AADAC: variants seen among roughly 807,000 people sequenced by gnomAD.
AADAC encodes arylacetamide deacetylase (esterase).
In AADAC, 17 loss-of-function variants were observed where a neutral mutation model predicts 22.7. The ratio of observed to expected loss-of-function variants is 0.75; its 90% confidence interval spans 0.51 to 1.12. The LOEUF (loss-of-function observed/expected upper bound fraction) is 1.12, where lower values mean the gene tolerates loss of function less well. AADAC is among the 50% of genes most tolerant of loss of function. The pLI, the probability that AADAC is intolerant of heterozygous loss-of-function variation, is 0.00. For missense variants in AADAC, 465 were observed against 473.9 expected (o/e 0.98, Z 0.17); for synonymous variants, 167 against 176.3 (o/e 0.95, Z 0.42).
rs1716565555 is a variant in AADAC at position 151,827,834 on chromosome 3, C to T, written c.862C>T (p.Pro288Ser). The change falls in exon 5 of 5, where the codon CCT becomes TCT. Residue 288 changes from proline to serine, a missense_variant. Pro to Ser is a moderately conservative substitution (Grantham distance 74, BLOSUM62 -1). Coordinates refer to ENST00000232892, the MANE Select transcript of AADAC (RefSeq NM_001086.3). The stretch of plus-strand genomic sequence containing the variant: ...ATTTGTTAATTGGAGTTCCCTGCTC[C>T]CTGAGAGGTTTATAAAAGGACATGT... The part of the protein sequence containing the change: ...FKFVNWSSLL[P>S]ERFIKGHVYN... 6.2e-7 allele frequency: 1 copy of T among 1,613,080 alleles called. No homozygotes were observed. The highest frequency in any genetic ancestry group is 1.3e-5 in the African/African-American group (1 of 74,844).
rs777466800 is a variant in AADAC at position 151,824,741 on chromosome 3, A to G, written c.510A>G (p.Lys170=). The G allele has an allele frequency of 5.6e-6, 9 of 1,609,404 alleles. No individual in the cohort carries two copies. In the African/African-American group the frequency reaches 6.7e-5, roughly 12 times the overall value. The change falls in exon 4 of 5, where the codon AAA becomes AAG. Residue 170 remains lysine, a synonymous_variant. Coordinates refer to ENST00000232892, the MANE Select transcript of AADAC (RefSeq NM_001086.3). The part of the protein sequence containing the change: ...VYNALRWFLR[K]KVLAKYGVNP... Reference sequence around the variant, plus strand: ...ATGCCTTAAGGTGGTTCTTACGTAAAAAAGTTCTTGCAAAATATGGTGTGA... The same window carrying G: ...ATGCCTTAAGGTGGTTCTTACGTAAGAAAGTTCTTGCAAAATATGGTGTGA...
rs1716198360 is a variant in AADAC at position 151,820,510 on chromosome 3, A to AGCTT, written c.431+59_431+62dup. On this transcript the variant is annotated intron_variant, in intron 3 of 4. Transcript: ENST00000232892. Reference sequence around the variant, plus strand: ...ATGTCTGACATGCCAAGATTTTCTCAGCTTTCTTTTTTTTTTTTTTTTTTT... The same window carrying AGCTT: ...ATGTCTGACATGCCAAGATTTTCTCAGCTTGCTTTCTTTTTTTTTTTTTTTTTTT... The AGCTT allele has an allele frequency of 8.5e-6, 6 of 705,480 alleles. No homozygotes were observed. In the Admixed American group the frequency reaches 1.8e-4, roughly 21 times the overall value. The allele number at this position is 705,480 out of a possible 1,614,324, so 43.7% of individuals were successfully genotyped here. A position where few individuals can be genotyped will look rare whatever the true frequency, so the allele number is the denominator to read the frequency against.
In AADAC at chr3:151,824,770, C is replaced by T. The variant is rs1716404861; in HGVS notation, c.539C>T (p.Pro180Leu). The T allele has an allele frequency of 6.2e-7, 1 of 1,607,350 alleles. No homozygotes were observed. The highest frequency in any genetic ancestry group is 1.1e-5 in the South Asian group (1 of 89,694). Reference protein sequence around the residue: ...KKVLAKYGVNPERIGISGDSA... With the variant: ...KKVLAKYGVNLERIGISGDSA... ...GTTCTTGCAAAATATGGTGTGAACC[C>T]TGAGAGAATCGGTATTTCTGGAGAT... The change falls in exon 4 of 5, where the codon CCT becomes CTT. Residue 180 changes from proline (P) to leucine (L), a missense_variant. Coordinates refer to ENST00000232892, the MANE Select transcript of AADAC (RefSeq NM_001086.3).
At chr3:151,820,535 T>G (rs1576642679) in intron 3 of AADAC, 83 bp downstream of exon 3, 2 of 938,394 alleles carry the variant, frequency 2.1e-6, no homozygotes, top group East Asian at 6.1e-5. Flanking sequence ...TTTTTTTTTT[T>G]GTGATGGAGT....
At position 151,824,647 on chromosome 3, in the gene AADAC, T is replaced by C. The variant is rs1576645160; in HGVS notation, c.432-16T>C. The C allele has an allele frequency of 1.3e-6, 2 of 1,491,538 alleles. No homozygotes were observed. The highest frequency in any genetic ancestry group is 2.4e-5 in the East Asian group (1 of 40,890). 92.4% of individuals were successfully genotyped at this position (1,491,538 alleles called of 1,614,324 possible). A position where few individuals can be genotyped will look rare whatever the true frequency, so the allele number is the denominator to read the frequency against. ...AACAAACAAAAAAATGTGTAAACTA[T>C]GTTTTCTCTCTACAGCTACAGATTA... is the stretch of plus-strand genomic sequence containing the variant. On this transcript the variant is annotated splice_polypyrimidine_tract_variant and intron_variant, in intron 3 of 4. Transcript: ENST00000232892.
Position 151,820,420 on chromosome 3 carries a change from A to C in AADAC, c.399A>C (p.Ala133=). Residue 133 remains alanine (A), a synonymous_variant, in exon 3 of 5, where the codon GCA becomes GCC. Transcript: ENST00000232892. ...SGYDLLSRWT[A]DRLDAVVVST... ...ATGACTTGCTGTCAAGATGGACAGC[A>C]GACAGACTTGATGCTGTCGTCGTAT... 2 of 1,590,714 alleles carry C rather than the reference A, an allele frequency of 1.3e-6. No individual in the cohort carries two copies. Among genetic ancestry groups the C allele is most frequent in the Non-Finnish European group, 1.7e-6 (2 of 1,166,906 alleles).
At chr3:151,822,522 T>C (rs932904935) in intron 3 of AADAC, among the ~76,000 whole-genome samples, 2 of 152,100 alleles carry the variant, frequency 1.3e-5, no homozygotes, top group Non-Finnish European at 2.9e-5. Context: ...TGTGTAAATA[T>C]ACCACATTTT....
At position 151,816,234 on chromosome 3, in the gene AADAC, C is replaced by A. The variant is rs148083666; in HGVS notation, c.139-1132C>A. Among the ~76,000 whole-genome samples the A allele has an allele frequency of 6.4e-3, 970 of 152,138 alleles. 10 individuals carry two copies. Among genetic ancestry groups the A allele is most frequent in the African/African-American group, 0.022 (928 of 41,554 alleles). On this transcript the variant is annotated intron_variant, in intron 1 of 4. Transcript: ENST00000232892. ...CCTGACTCCCAGCTCCCATGTGCAACCAGCTCCATAGCCACACCTCACTGC... is the reference window on the plus strand; with the variant it reads ...CCTGACTCCCAGCTCCCATGTGCAAACAGCTCCATAGCCACACCTCACTGC...
chr3:151,816,000 C>T (rs550354437), intron 1 of AADAC, among the ~76,000 whole-genome samples: 30 of 152,042 alleles, frequency 2.0e-4, no homozygotes, highest in Non-Finnish European at 2.9e-4. Flanking sequence ...TAGGCATGGA[C>T]GACATATTTA....
At position 151,817,237 on chromosome 3, in the gene AADAC, A is replaced by G. The variant is rs570367227; in HGVS notation, c.139-129A>G. 9.7e-4 allele frequency: 740 copies of G among 760,332 alleles called. 5 individuals are homozygous for G. Among genetic ancestry groups the G allele is most frequent in the South Asian group, 2.5e-3 (134 of 53,342 alleles). The allele number at this position is 760,332 out of a possible 1,614,324, so 47.1% of individuals were successfully genotyped here. On this transcript the variant is annotated intron_variant, in intron 1 of 4. Coordinates refer to ENST00000232892, the MANE Select transcript of AADAC (RefSeq NM_001086.3). ...CTGGTTTCTTTTAAAAGGACCAAGC[A>G]GGATTCATGCATGAAAATTTAGTTC...
rs529202829 is a variant in AADAC at position 151,828,338 on chromosome 3, C to A, written c.*166C>A. 1.7e-4 allele frequency: 70 copies of A among 407,952 alleles called. 2 individuals carry two copies. Among genetic ancestry groups the A allele is most frequent in the East Asian group, 1.5e-3 (40 of 27,140 alleles). 25.3% of individuals were successfully genotyped at this position (407,952 alleles called of 1,614,324 possible). A position where few individuals can be genotyped will look rare whatever the true frequency, so the allele number is the denominator to read the frequency against. ...TTTTTCTTACTGTGGGATTTCATTT[C>A]AATTTTCTACATTGTCTATCTGCTT... is the stretch of plus-strand genomic sequence containing the variant. On this transcript the variant is annotated 3_prime_UTR_variant, in exon 5 of 5. Transcript: ENST00000232892.
intron 4 of AADAC, among the ~76,000 whole-genome samples, chr3:151,826,582 C>A (rs1242784069): frequency 6.6e-6 from 1 of 151,854 alleles, no homozygotes; most frequent in Non-Finnish European, 1.5e-5. Context: ...TTCTATACAT[C>A]TTTTATAGTA....
At chr3:151,817,259 G>A in intron 1 of AADAC, 107 bp from the exon 2 acceptor site, 1 of 929,414 alleles carries the variant, frequency 1.1e-6, no homozygotes, top group Non-Finnish European at 1.6e-6. Context: ...TGAAAATTTA[G>A]TTCATTCCAT....
intron 1 of AADAC, among the ~76,000 whole-genome samples, chr3:151,816,020 G>T (rs1347529789): frequency 6.6e-6 from 1 of 151,804 alleles, no homozygotes; most frequent in Admixed American, 6.6e-5. Context: ...AACCTTCCTG[G>T]GCTCACTTTC....
rs1427207979 is a variant in AADAC, at chr3:151,823,390, T to C, written c.432-1273T>C. Reference sequence around the variant, plus strand: ...ATAGACATATGTATACTATAAAAGTTTTTAAATACATATATACATTTTCAA... The same window carrying C: ...ATAGACATATGTATACTATAAAAGTCTTTAAATACATATATACATTTTCAA... On this transcript the variant is annotated intron_variant, in intron 3 of 4. Coordinates refer to ENST00000232892, the MANE Select transcript of AADAC (RefSeq NM_001086.3). Among the ~76,000 whole-genome samples the C allele has an allele frequency of 2.0e-5, 3 of 151,960 alleles. No homozygotes were observed. In the East Asian group the frequency reaches 5.8e-4, roughly 29 times the overall value.
Position 151,827,849 on chromosome 3 carries a change from A to C in AADAC, c.877A>C (p.Lys293Gln). The C allele has an allele frequency of 1.2e-6, 2 of 1,613,282 alleles. No homozygotes were observed. The highest frequency in any genetic ancestry group is 8.5e-7 in the Non-Finnish European group (1 of 1,179,634). The change falls in exon 5 of 5, where the codon AAA becomes CAA. Residue 293 changes from lysine (K) to glutamine (Q), a missense_variant. Physicochemically the swap from Lys to Gln is moderately conservative, Grantham distance 53 (BLOSUM62 1). Transcript: ENST00000232892. ...TTCCCTGCTCCCTGAGAGGTTTATAAAAGGACATGTTTATAACAATCCAAA... is the reference window on the plus strand; with the variant it reads ...TTCCCTGCTCCCTGAGAGGTTTATACAAGGACATGTTTATAACAATCCAAA... ...WSSLLPERFI[K>Q]GHVYNNPNYG...
rs189273407 is a variant in AADAC, at chr3:151,826,859, C to T, written c.604-717C>T. On this transcript the variant is annotated intron_variant, in intron 4 of 4. Transcript: ENST00000232892. ...TTAGCATCAAAGCCATGTCAGAAAC[C>T]TCTATTAAGTGATCCTTCTTCTTCA... is the stretch of plus-strand genomic sequence containing the variant. 5.5e-3 allele frequency among the ~76,000 whole-genome samples: 836 copies of T among 152,036 alleles called. 30 individuals carry two copies. Among genetic ancestry groups the T allele is most frequent in the Admixed American group, 0.051 (771 of 15,260 alleles).
At chr3:151,820,183 G>T (rs1716177765) in intron 2 of AADAC, among the ~76,000 whole-genome samples, 200 bp from the exon 3 acceptor site, 9 of 151,946 alleles carry the variant, frequency 5.9e-5, no homozygotes, top group Admixed American at 5.9e-4. Context: ...GCATTAGGAG[G>T]TTCACTGGGA....
In AADAC at chr3:151,817,326, G is replaced by C. The variant is rs112958402; in HGVS notation, c.139-40G>C. 3.0e-3 allele frequency: 4,647 copies of C among 1,558,684 alleles called. 43 individuals carry two copies. Among genetic ancestry groups the C allele is most frequent in the Admixed American group, 4.6e-3 (271 of 59,314 alleles). The stretch of plus-strand genomic sequence containing the variant: ...AAGTCCATAGATCTCTTTGCCATTT[G>C]ATACTTGAATTTCAGGAGGTTTGTG... On this transcript the variant is annotated intron_variant, in intron 1 of 4. Transcript: ENST00000232892.
Sources: gnomAD v4.1 joint callset for allele counts (sites outside exome capture counted in the v4.1 genomes callset) on GRCh38, gnomAD v4.1.1 for gene constraint, MANE v1.5 for transcripts, NCBI Gene and HGNC (gene_info 2026-07-23, HGNC 2026-07-21) for gene names.